USH2A: variants seen among roughly 807,000 people sequenced by gnomAD.
USH2A encodes the protein usherin, also known as Usher syndrome 2A (autosomal recessive, mild).
In USH2A, 443 loss-of-function variants were observed where a neutral mutation model predicts 538.9. The ratio of observed to expected loss-of-function variants is 0.82; its 90% confidence interval spans 0.76 to 0.89. The LOEUF (loss-of-function observed/expected upper bound fraction) is 0.89, where lower values mean the gene tolerates loss of function less well. USH2A is among the 40% of genes least tolerant of loss of function. The pLI, the probability that USH2A is intolerant of heterozygous loss-of-function variation, is 0.00. For missense variants in USH2A, 6,633 were observed against 6,324.8 expected (o/e 1.05, Z -1.65); for synonymous variants, 2,413 against 2,273.5 (o/e 1.06, Z -1.75).
At chr1:215,906,908 A>G (rs1167902398) in intron 38 of USH2A, among the ~76,000 whole-genome samples, 1 of 152,070 alleles carries the variant, frequency 6.6e-6, no homozygotes, top group African/African-American at 2.4e-5. Context: ...TCTTAAAATC[A>G]GAAGGCAGAA....
chr1:216,380,129 A>T (rs2038902227), intron 3 of USH2A, among the ~76,000 whole-genome samples: 1 of 152,200 alleles, frequency 6.6e-6, no homozygotes, highest in South Asian at 2.1e-4. Flanking sequence ...TAATGAAAAC[A>T]GTAGATGACA....
chr1:216,146,206 G>A (rs1199967069), intron 21 of USH2A, among the ~76,000 whole-genome samples: 2 of 152,112 alleles, frequency 1.3e-5, no homozygotes, highest in East Asian at 1.9e-4. Flanking sequence ...TCCGGTAAGC[G>A]GCCTTTTTTA....
Position 216,323,277 on chromosome 1 carries a change from TATA to T in USH2A, c.1550+194_1550+196del, listed in dbSNP as rs554937624. 0.028 allele frequency among the ~76,000 whole-genome samples: 1,218 copies of T among 44,170 alleles called. 5 individuals carry two copies. The highest frequency in any genetic ancestry group is 0.13 in the Middle Eastern group (9 of 68). The allele number at this position is 44,170 out of a possible 152,430, so 29.0% of individuals were successfully genotyped here. On this transcript the variant is annotated intron_variant, in intron 8 of 71. Transcript: ENST00000307340. ...ATATATTTATTTATAAAATACGTTTTATATATATATATATATATATATATAACA... is the reference window on the plus strand; with the variant it reads ...ATATATTTATTTATAAAATACGTTTTTATATATATATATATATATATAACA...
intron 3 of USH2A, among the ~76,000 whole-genome samples, chr1:216,408,754 C>T (rs1269137522): frequency 6.6e-6 from 1 of 152,108 alleles, no homozygotes; most frequent in Non-Finnish European, 1.5e-5. Context: ...AATACAGTTT[C>T]CTTGAACACA....
intron 43 of USH2A, among the ~76,000 whole-genome samples, chr1:215,876,524 G>A (rs1191580990): frequency 6.6e-6 from 1 of 152,182 alleles, no homozygotes; most frequent in African/African-American, 2.4e-5. Flanking sequence ...GTGCTGGTAT[G>A]TGCCAGACAC....
At chr1:216,019,462 G>C (rs1333992125) in intron 32 of USH2A, among the ~76,000 whole-genome samples, 1 of 152,172 alleles carries the variant, frequency 6.6e-6, no homozygotes, top group African/African-American at 2.4e-5. Flanking sequence ...AGTTAGAAGA[G>C]CTTTGTTTAG....
intron 21 of USH2A, among the ~76,000 whole-genome samples, chr1:216,119,781 C>T (rs1231769602): frequency 6.6e-6 from 1 of 152,064 alleles, no homozygotes; most frequent in African/African-American, 2.4e-5. Context: ...TGATACAAAC[C>T]ATTAACAGTG....
chr1:215,647,622 C>T lies in USH2A; in HGVS notation c.14691G>A (p.Gly4897=), dbSNP rs1656899183. The T allele has an allele frequency of 2.5e-6, 4 of 1,614,116 alleles. No individual in the cohort carries two copies. Among genetic ancestry groups the T allele is most frequent in the African/African-American group, 2.7e-5 (2 of 75,030 alleles). The part of the protein sequence containing the change: ...YTGLGQKASL[G]GLQPYTTYKL... ...TGTATGTGGTGTAGGGCTGGAGACC[C>T]CCAAGGCTGGCTTTCTGCCCCAGCC... The change falls in exon 67 of 72, where the codon GGG becomes GGA. Residue 4897 remains glycine (G), a synonymous_variant. Transcript: ENST00000307340.
chr1:215,976,591 C>T (rs543456530), intron 35 of USH2A, among the ~76,000 whole-genome samples: 18 of 152,118 alleles, frequency 1.2e-4, no homozygotes, highest in Admixed American at 9.2e-4. Context: ...GCTTTTAGTT[C>T]TATTTATATG....
chr1:215,696,550 C>T (rs1336083145), intron 61 of USH2A, among the ~76,000 whole-genome samples: 1 of 152,218 alleles, frequency 6.6e-6, no homozygotes, highest in Non-Finnish European at 1.5e-5. Context: ...AACAACCTTA[C>T]AGCCTTATTA....
At chr1:216,182,083 C>T (rs997684376) in intron 20 of USH2A, among the ~76,000 whole-genome samples, 1 of 151,974 alleles carries the variant, frequency 6.6e-6, no homozygotes, top group Non-Finnish European at 1.5e-5. Flanking sequence ...AAGGAGGGGG[C>T]ACTGAATGTA....
At chr1:215,870,728 C>T (rs1664605257) in intron 43 of USH2A, among the ~76,000 whole-genome samples, 1 of 152,092 alleles carries the variant, frequency 6.6e-6, no homozygotes, top group African/African-American at 2.4e-5. Flanking sequence ...CACATTTCAC[C>T]ACTTCATATC....
At chr1:216,151,828 C>A (rs982416371) in intron 21 of USH2A, among the ~76,000 whole-genome samples, 3 of 152,174 alleles carry the variant, frequency 2.0e-5, no homozygotes, top group African/African-American at 7.2e-5. Flanking sequence ...TTACGCTGAA[C>A]CCCCTTGGGC....
intron 3 of USH2A, among the ~76,000 whole-genome samples, chr1:216,409,886 C>T (rs555924810): frequency 1.3e-5 from 2 of 152,060 alleles, no homozygotes; most frequent in Non-Finnish European, 2.9e-5. Context: ...AATTAAAGAG[C>T]TTCTGCACAG....
rs148402402 is a variant in USH2A, at chr1:216,167,158, T to C, written c.4627+8094A>G. ...ATGGTTTTCATATTATTACTTAACA[T>C]TTCCCCCACTTCAATGAAACTGTTA... On this transcript the variant is annotated intron_variant, in intron 21 of 71. Coordinates refer to ENST00000307340, the MANE Select transcript of USH2A (RefSeq NM_206933.4). 9.1e-3 allele frequency among the ~76,000 whole-genome samples: 1,391 copies of C among 152,120 alleles called. 22 individuals are homozygous for C. The highest frequency in any genetic ancestry group is 0.03 in the African/African-American group (1,244 of 41,502).
intron 9 of USH2A, among the ~76,000 whole-genome samples, chr1:216,308,494 T>A (rs1328853118): frequency 2.6e-5 from 4 of 152,238 alleles, no homozygotes; most frequent in Non-Finnish European, 5.9e-5. Context: ...TCTGGCTTCT[T>A]CTGTGAATTA....
chr1:215,790,195 T>G lies in USH2A; in HGVS notation c.10046A>C (p.Lys3349Thr). ...ASSGESKAHI[K>T]KNDPVPVKCC... ...TTTTACTGGCACCGGGTCATTCTTTTTAATATGTGCTTTAGACTCTCCACT... is the reference window on the plus strand; with the variant it reads ...TTTTACTGGCACCGGGTCATTCTTTGTAATATGTGCTTTAGACTCTCCACT... Residue 3349 changes from lysine (K) to threonine (T), a missense_variant, in exon 51 of 72, where the codon AAA becomes ACA. Physicochemically the swap from Lys to Thr is moderately conservative, Grantham distance 78. Coordinates refer to ENST00000307340, the MANE Select transcript of USH2A (RefSeq NM_206933.4). The G allele has an allele frequency of 6.2e-7, 1 of 1,614,118 alleles. No individual in the cohort carries two copies. The highest frequency in any genetic ancestry group is 1.1e-5 in the South Asian group (1 of 91,078).
intron 47 of USH2A, among the ~76,000 whole-genome samples, chr1:215,833,943 A>G (rs2102811747): frequency 6.6e-6 from 1 of 152,244 alleles, no homozygotes; most frequent in East Asian, 1.9e-4. Flanking sequence ...GCAAAAAGCA[A>G]TTGCAAAGCT....
chr1:215,832,989 G>T (rs1056122534), intron 47 of USH2A, among the ~76,000 whole-genome samples: 7 of 151,720 alleles, frequency 4.6e-5, no homozygotes, highest in African/African-American at 1.5e-4. Flanking sequence ...AAGTAATTAG[G>T]TATAAACTTA....
Sources: gnomAD v4.1 joint callset for allele counts (sites outside exome capture counted in the v4.1 genomes callset) on GRCh38, gnomAD v4.1.1 for gene constraint, MANE v1.5 for transcripts, NCBI Gene and HGNC (gene_info 2026-07-23, HGNC 2026-07-21) for gene names.